The following NR3C2 variants were observed in gnomAD, a reference collection of about 807,000 sequenced individuals.
NR3C2 encodes nuclear receptor subfamily 3 group C member 2.
A neutral mutation model predicts 86.4 loss-of-function variants in NR3C2; 15 were observed. That is an observed-to-expected ratio of 0.17 (90% CI 0.12 to 0.27). NR3C2 has a LOEUF of 0.27. NR3C2 is among the 10% of genes least tolerant of loss of function. NR3C2 has a pLI of 1.00. For missense variants in NR3C2, 960 were observed against 1,195.6 expected (o/e 0.80, Z 2.91); for synonymous variants, 458 against 450.5 (o/e 1.02, Z -0.21).
At chr4:148,245,745 C>A (rs567696431) in intron 3 of NR3C2, among the ~76,000 whole-genome samples, 2 of 152,080 alleles carry the variant, frequency 1.3e-5, no homozygotes, top group African/African-American at 2.4e-5. Context: ...CAAGCAAAAC[C>A]TTTAAACATT....
chr4:148,266,159 G>T (rs1330272680), intron 2 of NR3C2, among the ~76,000 whole-genome samples: 3 of 145,852 alleles, frequency 2.1e-5, no homozygotes, highest in Non-Finnish European at 4.5e-5. Flanking sequence ...TGCAACCTCC[G>T]CCTCCCGGGT....
intron 3 of NR3C2, among the ~76,000 whole-genome samples, chr4:148,251,671 A>G (rs1188354557): frequency 6.6e-6 from 1 of 152,180 alleles, no homozygotes; most frequent in Non-Finnish European, 1.5e-5. Context: ...TTTTAAATAA[A>G]GCTTTAGATT....
intron 4 of NR3C2, among the ~76,000 whole-genome samples, chr4:148,174,225 A>C (rs773439554): frequency 2.6e-5 from 4 of 152,192 alleles, no homozygotes; most frequent in Non-Finnish European, 5.9e-5. Flanking sequence ...ACCCTTTAAA[A>C]ATTTCCCCTT....
At chr4:148,220,740 A>G (rs1737794959) in intron 3 of NR3C2, among the ~76,000 whole-genome samples, 1 of 152,156 alleles carries the variant, frequency 6.6e-6, no homozygotes, top group African/African-American at 2.4e-5. Flanking sequence ...AGGCTGCAGT[A>G]AGCCATGATT....
At chr4:148,092,225 C>CA (rs1731092243) in intron 8 of NR3C2, among the ~76,000 whole-genome samples, 1 of 152,246 alleles carries the variant, frequency 6.6e-6, no homozygotes, top group African/African-American at 2.4e-5. Context: ...TCTGGACTCT[C>CA]ACCTCGCAGA....
At chr4:148,115,786 A>G (rs1732248479) in intron 7 of NR3C2, among the ~76,000 whole-genome samples, 1 of 152,230 alleles carries the variant, frequency 6.6e-6, no homozygotes, top group African/African-American at 2.4e-5. Flanking sequence ...AATCCCTAAT[A>G]GCAACTGCAC....
intron 3 of NR3C2, among the ~76,000 whole-genome samples, chr4:148,241,741 A>T (rs191756695): frequency 1.3e-5 from 2 of 152,324 alleles, no homozygotes; most frequent in Admixed American, 6.5e-5. Context: ...GGGCAGTGGT[A>T]GCCTCTGCCC....
intron 2 of NR3C2, among the ~76,000 whole-genome samples, chr4:148,308,582 G>A (rs1579134256): frequency 6.6e-6 from 1 of 152,202 alleles, no homozygotes; most frequent in South Asian, 2.1e-4. Context: ...GGCTGGGAAG[G>A]GTATGGGGAA....
intron 8 of NR3C2, 53 bp from the exon 9 acceptor site, chr4:148,081,552 A>G (rs1440530703): frequency 1.9e-6 from 3 of 1,612,302 alleles, no homozygotes; most frequent in African/African-American, 2.7e-5. Context: ...CCGACCCTGG[A>G]TCCCTCTGCC....
chr4:148,345,390 G>A (rs1399993699), intron 2 of NR3C2, among the ~76,000 whole-genome samples: 3 of 151,676 alleles, frequency 2.0e-5, no homozygotes, highest in South Asian at 2.1e-4. Context: ...TAATTGGCAA[G>A]AGTAAAAAAA....
chr4:148,304,352 T>TTTTTTTTTTTTTTTTTA (rs141707087), intron 2 of NR3C2, among the ~76,000 whole-genome samples: 1 of 130,034 alleles, frequency 7.7e-6, no homozygotes, highest in East Asian at 2.2e-4. Flanking sequence ...TTTTTTTTTT[T>TTTTTTTTTTTTTTTTTA]AACCAGTTGG....
At chr4:148,300,994 A>C (rs1201088998) in intron 2 of NR3C2, among the ~76,000 whole-genome samples, 2 of 152,156 alleles carry the variant, frequency 1.3e-5, no homozygotes, top group East Asian at 3.9e-4. Flanking sequence ...TGTTTTCCTC[A>C]TGGAGCCCCA....
intron 2 of NR3C2, among the ~76,000 whole-genome samples, chr4:148,296,228 T>G (rs1405858287): frequency 6.6e-6 from 1 of 152,118 alleles, no homozygotes; most frequent in African/African-American, 2.4e-5. Context: ...AAGTACATTT[T>G]TTTTTTGTTT....
chr4:148,165,779 G>T (rs1361318680), intron 4 of NR3C2, among the ~76,000 whole-genome samples: 3 of 152,120 alleles, frequency 2.0e-5, no homozygotes, highest in Non-Finnish European at 4.4e-5. Context: ...TTTCACAATT[G>T]TTTTAACAGT....
chr4:148,190,675 C>T (rs1400391100), intron 4 of NR3C2, among the ~76,000 whole-genome samples: 5 of 152,150 alleles, frequency 3.3e-5, no homozygotes, highest in Non-Finnish European at 7.4e-5. Context: ...TATCTCATTT[C>T]TTAGGTCTAT....
At chr4:148,135,884 C>T (rs1560939696) in intron 6 of NR3C2, among the ~76,000 whole-genome samples, 1 of 149,270 alleles carries the variant, frequency 6.7e-6, no homozygotes, top group Non-Finnish European at 1.5e-5. Context: ...GGTGAAACCC[C>T]GTCTCTACTA....
intron 2 of NR3C2, among the ~76,000 whole-genome samples, chr4:148,362,096 C>A (rs1745866884): frequency 6.6e-6 from 1 of 152,202 alleles, no homozygotes; most frequent in Admixed American, 6.5e-5. Context: ...CCTCAGGCCA[C>A]CCATAGTGCT....
intron 2 of NR3C2, among the ~76,000 whole-genome samples, chr4:148,410,171 G>T (rs1159689675): frequency 2.0e-5 from 3 of 152,080 alleles, no homozygotes; most frequent in African/African-American, 7.2e-5. Flanking sequence ...TAATAATCTT[G>T]TATGTACATG....
At chr4:148,100,164 A>C (rs1278012338) in intron 8 of NR3C2, among the ~76,000 whole-genome samples, 1 of 152,206 alleles carries the variant, frequency 6.6e-6, no homozygotes, top group Non-Finnish European at 1.5e-5. Context: ...ATAAACTGAG[A>C]TCAAACACCG....
Sources: allele counts gnomAD v4.1 joint callset (sites outside exome capture counted in the v4.1 genomes callset), GRCh38; gene constraint gnomAD v4.1.1; transcripts MANE v1.5; gene names NCBI Gene and HGNC (gene_info 2026-07-23, HGNC 2026-07-21).